Variants in KCNH8 observed in about 807,000 individuals in gnomAD.
KCNH8 encodes the protein voltage-gated delayed rectifier potassium channel KCNH8.
In KCNH8, 70 loss-of-function variants were observed where a neutral mutation model predicts 103.6. The ratio of observed to expected loss-of-function variants is 0.68; its 90% CI spans 0.56 to 0.82. KCNH8 has a LOEUF of 0.82. KCNH8 is among the 40% of genes least tolerant of loss of function. KCNH8 has a pLI of 0.00. For missense variants in KCNH8, 1,217 were observed against 1,329.9 expected (o/e 0.92, Z 1.32); for synonymous variants, 498 against 489.4 (o/e 1.02, Z -0.23).
chr3:19,478,923 A>G (rs2125211336), intron 11 of KCNH8, among the ~76,000 whole-genome samples: 1 of 152,300 alleles, frequency 6.6e-6, no homozygotes, highest in Non-Finnish European at 1.5e-5. Context: ...CCTAGGGATT[A>G]TGTTAGCGGA....
At chr3:19,333,630 A>G (rs1016784763) in intron 3 of KCNH8, among the ~76,000 whole-genome samples, 3 of 152,166 alleles carry the variant, frequency 2.0e-5, no homozygotes, top group Non-Finnish European at 2.9e-5. Context: ...GTACAATTCA[A>G]TACGTGGAAA....
chr3:19,533,226 G>GAAAAAAAA (rs77079671), intron 15 of KCNH8, among the ~76,000 whole-genome samples, 169 bp from the exon 16 acceptor site: 1 of 145,030 alleles, frequency 6.9e-6, no homozygotes, highest in Non-Finnish European at 1.5e-5. Context: ...AAAGGAAAAA[G>GAAAAAAAA]AAAAAAAAAA....
chr3:19,315,385 T>C (rs1041641057), intron 3 of KCNH8, among the ~76,000 whole-genome samples: 11 of 152,004 alleles, frequency 7.2e-5, no homozygotes, highest in African/African-American at 2.7e-4. Context: ...GCACTCTCTG[T>C]GATAGCTCTA....
chr3:19,464,938 G>A (rs945087043), intron 11 of KCNH8, among the ~76,000 whole-genome samples: 7 of 152,164 alleles, frequency 4.6e-5, no homozygotes, highest in African/African-American at 7.2e-5. Flanking sequence ...ATCAAGATAA[G>A]TAATTGAGAT....
intron 7 of KCNH8, among the ~76,000 whole-genome samples, chr3:19,424,315 C>A (rs376642034): frequency 3.3e-5 from 5 of 152,066 alleles, no homozygotes; most frequent in Admixed American, 1.3e-4. Flanking sequence ...CAAATACTTA[C>A]AACCAACTGA....
At chr3:19,448,966 A>G (rs1356114007) in intron 8 of KCNH8, 1 of 1,286,296 alleles carries the variant, frequency 7.8e-7, no homozygotes, top group Non-Finnish European at 1.0e-6. Context: ...TTCTTGGATT[A>G]TCTGCTGGTT....
At chr3:19,152,460 T>G (rs1464945249) in intron 1 of KCNH8, among the ~76,000 whole-genome samples, 2 of 152,322 alleles carry the variant, frequency 1.3e-5, no homozygotes, top group Non-Finnish European at 2.9e-5. Flanking sequence ...GCCAGACTAC[T>G]TCTTCCCTTT....
chr3:19,514,904 T>C (rs1022449550), intron 13 of KCNH8, among the ~76,000 whole-genome samples: 3 of 151,850 alleles, frequency 2.0e-5, no homozygotes, highest in Non-Finnish European at 2.9e-5. Flanking sequence ...ATAAAAAATA[T>C]AATGTGATAT....
chr3:19,208,554 A>C (rs899514933), intron 1 of KCNH8, among the ~76,000 whole-genome samples: 3 of 151,974 alleles, frequency 2.0e-5, no homozygotes, highest in African/African-American at 7.2e-5. Context: ...AATACTATTA[A>C]TACACCGCTG....
intron 3 of KCNH8, among the ~76,000 whole-genome samples, chr3:19,338,002 G>GT (rs1228714396): frequency 1.3e-5 from 2 of 151,662 alleles, no homozygotes; most frequent in Non-Finnish European, 2.9e-5. Context: ...AGAGAGGCGG[G>GT]GGGGGGAGAA....
chr3:19,280,699 A>G (rs899029375), intron 2 of KCNH8, among the ~76,000 whole-genome samples: 3 of 152,096 alleles, frequency 2.0e-5, no homozygotes, highest in African/African-American at 7.2e-5. Flanking sequence ...AATGTATGAG[A>G]GTTTAAGTGG....
intron 1 of KCNH8, among the ~76,000 whole-genome samples, chr3:19,163,002 T>G (rs2063248709): frequency 6.6e-6 from 1 of 151,962 alleles, no homozygotes; most frequent in African/African-American, 2.4e-5. Flanking sequence ...CAATTAAAAT[T>G]TTTATGGTCT....
intron 1 of KCNH8, among the ~76,000 whole-genome samples, chr3:19,152,605 C>T (rs1403708168): frequency 1.3e-5 from 2 of 152,156 alleles, no homozygotes; most frequent in Admixed American, 6.5e-5. Flanking sequence ...ATTTTATGCA[C>T]TTCTATATAG....
intron 11 of KCNH8, among the ~76,000 whole-genome samples, chr3:19,483,260 A>G (rs886667736): frequency 9.9e-5 from 15 of 152,120 alleles, no homozygotes; most frequent in Admixed American, 3.3e-4. Flanking sequence ...GACTCCAGGT[A>G]GGTCCACACG....
intron 11 of KCNH8, among the ~76,000 whole-genome samples, chr3:19,461,587 A>C (rs1373381785): frequency 1.3e-5 from 2 of 152,176 alleles, no homozygotes; most frequent in Admixed American, 6.5e-5. Context: ...CATTTGCAAA[A>C]TGGAAATGTA....
chr3:19,261,957 C>T (rs544552322), intron 2 of KCNH8, among the ~76,000 whole-genome samples: 8 of 151,732 alleles, frequency 5.3e-5, no homozygotes, highest in African/African-American at 1.9e-4. Context: ...TATTCTGTTT[C>T]CCTGTTCTTT....
chr3:19,267,112 C>A (rs1197569440), intron 2 of KCNH8, among the ~76,000 whole-genome samples: 1 of 151,994 alleles, frequency 6.6e-6, no homozygotes, highest in African/African-American at 2.4e-5. Flanking sequence ...CTGTCACAGC[C>A]GCCTCTGGGA....
intron 5 of KCNH8, among the ~76,000 whole-genome samples, chr3:19,388,223 A>T (rs939166613): frequency 9.2e-5 from 14 of 152,240 alleles, no homozygotes; most frequent in African/African-American, 3.4e-4. Flanking sequence ...AAACATCACT[A>T]ATGAGCTTAG....
intron 11 of KCNH8, among the ~76,000 whole-genome samples, chr3:19,503,293 G>A (rs1303664075): frequency 1.3e-5 from 2 of 152,028 alleles, no homozygotes; most frequent in African/African-American, 2.4e-5. Flanking sequence ...TGCTGGAGAG[G>A]ATGTGGAGAA....
Sources: gnomAD v4.1 joint callset for allele counts (sites outside exome capture counted in the v4.1 genomes callset) on GRCh38, gnomAD v4.1.1 for gene constraint, MANE v1.5 for transcripts, NCBI Gene and HGNC (gene_info 2026-07-23, HGNC 2026-07-21) for gene names.